The following UTP4 variants were observed in gnomAD, a reference collection of about 807,000 sequenced individuals.
The protein encoded by UTP4 is U3 small nucleolar RNA-associated protein 4 homolog.
A neutral mutation model predicts 82.4 loss-of-function variants in UTP4; 45 were observed. That is an observed-to-expected ratio of 0.55 (90% CI 0.43 to 0.70). The LOEUF is 0.70. UTP4 is among the 30% of genes least tolerant of loss of function. The probability of loss-of-function intolerance (pLI) is 0.00; values close to 1 mark genes in which losing one functional copy is unlikely to be tolerated. For missense variants in UTP4, 819 were observed against 858.3 expected (o/e 0.95, Z 0.57); for synonymous variants, 348 against 300.3 (o/e 1.16, Z -1.64).
rs1390124773 is a variant in UTP4, at chr16:69,137,784, A to G, written c.352-17A>G. Reference sequence around the variant, plus strand: ...TTACTATTGATTTTTTCTGTTTACTACCTCTTTCTCAAATAGGTTGGTTGT... The same window carrying G: ...TTACTATTGATTTTTTCTGTTTACTGCCTCTTTCTCAAATAGGTTGGTTGT... On this transcript the variant is annotated splice_polypyrimidine_tract_variant and intron_variant, in intron 3 of 16. Coordinates refer to ENST00000314423, the MANE Select transcript of UTP4 (RefSeq NM_032830.3). The G allele has an allele frequency of 2.7e-6, 4 of 1,497,190 alleles. No homozygotes were observed. The highest frequency in any genetic ancestry group is 1.7e-5 in the Admixed American group (1 of 59,796). 92.7% of individuals were successfully genotyped at this position (1,497,190 alleles called of 1,614,324 possible).
chr16:69,164,087 T>TGTTA (rs1243789595), intron 14 of UTP4, among the ~76,000 whole-genome samples: 2 of 151,962 alleles, frequency 1.3e-5, no homozygotes, highest in Non-Finnish European at 2.9e-5. Flanking sequence ...AGTTTCACCA[T>TGTTA]GTTAGCCAGG....
intron 2 of UTP4, among the ~76,000 whole-genome samples, chr16:69,136,187 GTTCCTTT>G (rs1962808795): frequency 2.6e-5 from 4 of 152,282 alleles, no homozygotes; most frequent in Admixed American, 2.6e-4. Context: ...TACCTACTTA[GTTCCTTT>G]TTCGTCAAGC....
At chr16:69,152,163 A>G (rs1453489918) in intron 8 of UTP4, among the ~76,000 whole-genome samples, 2 of 151,974 alleles carry the variant, frequency 1.3e-5, no homozygotes, top group Admixed American at 6.6e-5. Flanking sequence ...CTACGCTGGC[A>G]TCATCCTAGT....
chr16:69,157,226 T>C lies in UTP4; in HGVS notation c.1430T>C (p.Phe477Ser). 1.9e-6 allele frequency: 3 copies of C among 1,614,140 alleles called. No homozygotes were observed. Among genetic ancestry groups the C allele is most frequent in the Non-Finnish European group, 2.5e-6 (3 of 1,180,018 alleles). ...SGGSFKHLHAFQPQSGTVEAM... is the reference protein window; with the variant it reads ...SGGSFKHLHASQPQSGTVEAM... ...GGAAGCTTCAAGCACCTGCATGCTT[T>C]CCAGCCTCAGTCAGGTGGGAATCTG... Residue 477 changes from phenylalanine (F) to serine (S), a missense_variant, in exon 12 of 17, where the codon TTC becomes TCC. Transcript: ENST00000314423.
At chr16:69,157,798 T>C (rs989107070) in intron 12 of UTP4, among the ~76,000 whole-genome samples, 1 of 151,826 alleles carries the variant, frequency 6.6e-6, no homozygotes, top group South Asian at 2.1e-4. Flanking sequence ...GGTCTCATTA[T>C]GTTGACAAAG....
intron 6 of UTP4, among the ~76,000 whole-genome samples, chr16:69,143,738 TA>T (rs766075462): frequency 5.3e-5 from 8 of 152,046 alleles, no homozygotes; most frequent in African/African-American, 1.7e-4. Flanking sequence ...TTAATTTAAT[TA>T]AAAAAATAGA....
At chr16:69,165,743 G>A (rs1039822592) in intron 15 of UTP4, 1 of 629,542 alleles carries the variant, frequency 1.6e-6, no homozygotes, top group Non-Finnish European at 2.8e-6. Flanking sequence ...CGGGGAAGGG[G>A]CTGGCCTTTG....
At chr16:69,142,494 A>G (rs980372854) in intron 5 of UTP4, among the ~76,000 whole-genome samples, 4 of 152,134 alleles carry the variant, frequency 2.6e-5, no homozygotes, top group Admixed American at 6.5e-5. Context: ...GGGCATGGCT[A>G]TCTGAGGGGT....
intron 12 of UTP4, 96 bp downstream of exon 12, chr16:69,157,336 C>T: frequency 8.1e-7 from 1 of 1,227,366 alleles, no homozygotes. Context: ...CCTCATGTTC[C>T]TCCTACCCTG....
intron 8 of UTP4, among the ~76,000 whole-genome samples, chr16:69,152,992 T>C (rs1397975698): frequency 5.9e-5 from 9 of 152,176 alleles, no homozygotes; most frequent in African/African-American, 2.2e-4. Context: ...CCCTGTTGGC[T>C]TCAGCATAAA....
At chr16:69,141,964 A>G (rs1224209850) in intron 5 of UTP4, among the ~76,000 whole-genome samples, 1 of 148,818 alleles carries the variant, frequency 6.7e-6, no homozygotes, top group Non-Finnish European at 1.5e-5. Flanking sequence ...CGTTAGGTAT[A>G]TCTCCTAATG....
At chr16:69,150,747 C>T (rs1258064689) in intron 7 of UTP4, 39 bp downstream of exon 7, 1 of 1,613,282 alleles carries the variant, frequency 6.2e-7, no homozygotes, top group Non-Finnish European at 8.5e-7. Context: ...CTTTACCCTG[C>T]CCAGTTCTGG....
chr16:69,158,648 G>T (rs1390388430), intron 12 of UTP4, among the ~76,000 whole-genome samples: 1 of 152,064 alleles, frequency 6.6e-6, no homozygotes, highest in Non-Finnish European at 1.5e-5. Flanking sequence ...TCTACATTAT[G>T]TATATGACTT....
In UTP4 at chr16:69,164,641, T is replaced by C. The variant is rs147252474; in HGVS notation, c.1648-700T>C. On this transcript the variant is annotated intron_variant, in intron 14 of 16. Coordinates refer to ENST00000314423, the MANE Select transcript of UTP4 (RefSeq NM_032830.3). The stretch of plus-strand genomic sequence containing the variant: ...GTATATATATATCTGTATATAGATA[T>C]ATATGCTTCTAGCTGTGCAAAAAGA... 3.5e-3 allele frequency among the ~76,000 whole-genome samples: 514 copies of C among 148,824 alleles called. 1 individual carries two copies. Among genetic ancestry groups the C allele is most frequent in the African/African-American group, 0.011 (444 of 40,816 alleles).
intron 1 of UTP4, chr16:69,133,140 G>T: frequency 1.6e-5 from 6 of 367,096 alleles, no homozygotes; most frequent in Non-Finnish European, 2.1e-5. Flanking sequence ...TCTGTTGTTT[G>T]CAAACTTAGC....
At chr16:69,148,273 T>A (rs1450114412) in intron 6 of UTP4, among the ~76,000 whole-genome samples, 1 of 151,726 alleles carries the variant, frequency 6.6e-6, no homozygotes, top group Non-Finnish European at 1.5e-5. Flanking sequence ...ATTTTTGTAT[T>A]TTTAATAGAG....
chr16:69,158,161 C>CAT (rs1963469045), intron 12 of UTP4, among the ~76,000 whole-genome samples: 1 of 40,422 alleles, frequency 2.5e-5, no homozygotes, highest in Non-Finnish European at 4.4e-5. Flanking sequence ...AAAGTCAACT[C>CAT]TTTTTTTTTT....
intron 14 of UTP4, among the ~76,000 whole-genome samples, chr16:69,164,491 T>C (rs2152284129): frequency 6.6e-6 from 1 of 151,530 alleles, no homozygotes; most frequent in South Asian, 2.1e-4. Context: ...ATTGTGTAAA[T>C]TATCCTAACC....
chr16:69,137,764 A>T (rs572699127), intron 3 of UTP4, 37 bp from the exon 4 acceptor site: 1 of 1,185,874 alleles, frequency 8.4e-7, no homozygotes, highest in Non-Finnish European at 1.3e-6. Context: ...AATGTTTACT[A>T]TTGATTTTTT....
Sources: gnomAD v4.1 joint callset for allele counts (sites outside exome capture counted in the v4.1 genomes callset) on GRCh38, gnomAD v4.1.1 for gene constraint, MANE v1.5 for transcripts, NCBI Gene and HGNC (gene_info 2026-07-23, HGNC 2026-07-21) for gene names.